Variants in SLC35F4 observed in about 807,000 individuals in gnomAD.
SLC35F4 encodes chromosome 14 open reading frame 36.
SLC35F4 carries 24 observed loss-of-function variants against 44.2 expected under a neutral mutation model. The ratio of observed to expected loss-of-function variants is 0.54; its 90% CI spans 0.39 to 0.76. The LOEUF (loss-of-function observed/expected upper bound fraction) is 0.76. SLC35F4 is among the 30% of genes least tolerant of loss of function. SLC35F4 has a pLI of 0.00. For synonymous variants in SLC35F4, 238 were observed against 223.6 expected, an observed-to-expected ratio of 1.06 and a Z score of -0.57; for missense variants, 562 against 586.1, an observed-to-expected ratio of 0.96 and a Z score of 0.42.
chr14:57,744,894 T>C (rs567440240), intron 1 of SLC35F4, among the ~76,000 whole-genome samples: 26 of 152,200 alleles, frequency 1.7e-4, no homozygotes, highest in Non-Finnish European at 3.2e-4. Context: ...AAAACAGAGA[T>C]ATAGACCAAT....
At position 57,941,017 on chromosome 14, in the gene SLC35F4, C is replaced by T. The variant is rs565498200; in HGVS notation, n.282+40896G>A. Among the ~76,000 whole-genome samples the T allele has an allele frequency of 7.9e-5, 12 of 152,184 alleles. No individual in the cohort carries two copies. The East Asian group carries it at 1.7e-3, about 22-fold the overall frequency. ...TCATACCTATTAGGATGGCTGTAAT[C>T]CAAAATGTGGAAAATAACAAGAAAA... On this transcript the variant is annotated intron_variant and non_coding_transcript_variant, in intron 1 of 1. Transcript: ENST00000556568.
chr14:57,950,942 G>A (rs1057003245), intron 1 of SLC35F4, among the ~76,000 whole-genome samples: 3 of 152,082 alleles, frequency 2.0e-5, no homozygotes, highest in Non-Finnish European at 4.4e-5. Flanking sequence ...TGGGATTACA[G>A]GCACGAGCCA....
At position 57,951,388 on chromosome 14, in the gene SLC35F4, G is replaced by GT. The variant is rs546964344; in HGVS notation, n.282+30524dup. On this transcript the variant is annotated intron_variant and non_coding_transcript_variant, in intron 1 of 1. Coordinates refer to the SLC35F4 transcript ENST00000556568. ...TTGGGCAGACACCGAGCTAGCTGGA[G>GT]TTTTTTTTCATACCCCAGTGGTGCC... Among the ~76,000 whole-genome samples, 5 of 152,146 alleles carry GT rather than the reference G, an allele frequency of 3.3e-5. 1 individual carries two copies. The highest frequency in any genetic ancestry group is 2.6e-4 in the Admixed American group (4 of 15,280).
At chr14:57,937,626 A>AAAAG (rs1889835856) in intron 1 of SLC35F4, among the ~76,000 whole-genome samples, 1 of 128,170 alleles carries the variant, frequency 7.8e-6, no homozygotes, top group African/African-American at 3.4e-5. Context: ...AAAAGAAAAG[A>AAAAG]AAAGAAAAGA....
intron 1 of SLC35F4, among the ~76,000 whole-genome samples, chr14:57,804,868 G>A (rs554977740): frequency 3.3e-5 from 5 of 152,038 alleles, no homozygotes; most frequent in African/African-American, 4.8e-5. Context: ...CAATATATCC[G>A]TCTCACAAAG....
chr14:57,952,707 A>G (rs1250771347), intron 1 of SLC35F4, among the ~76,000 whole-genome samples: 1 of 151,988 alleles, frequency 6.6e-6, no homozygotes, highest in Non-Finnish European at 1.5e-5. Context: ...GATCAACTTA[A>G]TGAAATAAAG....
At chr14:57,894,869 AACTT>A (rs1888840688) in intron 1 of SLC35F4, among the ~76,000 whole-genome samples, 1 of 152,194 alleles carries the variant, frequency 6.6e-6, no homozygotes, top group Non-Finnish European at 1.5e-5. Flanking sequence ...GGGATAGACA[AACTT>A]ACACAGCATC....
chr14:57,646,419 C>T lies in SLC35F4; in HGVS notation c.104-52295G>A, dbSNP rs572941332. Among the ~76,000 whole-genome samples, 1,444 of 152,064 alleles carry T rather than the reference C, an allele frequency of 9.5e-3. 30 individuals carry two copies. The highest frequency in any genetic ancestry group is 0.032 in the African/African-American group (1,329 of 41,496). ...TTCTAGTTTATTTGCGTAGAGGTAT[C>T]TATAGTATTCTCTGACGGTAGTTTG... On this transcript the variant is annotated intron_variant, in intron 1 of 7. Coordinates refer to ENST00000556826, the MANE Select transcript of SLC35F4 (RefSeq NM_001306087.2).
intron 1 of SLC35F4, among the ~76,000 whole-genome samples, chr14:57,661,835 T>A (rs2140238559): frequency 6.6e-6 from 1 of 152,298 alleles, no homozygotes; most frequent in Middle Eastern, 3.4e-3. Context: ...GCTCTAATAA[T>A]ATGCACTTCT....
intron 1 of SLC35F4, among the ~76,000 whole-genome samples, chr14:57,812,045 C>A (rs1424934038): frequency 6.6e-6 from 1 of 152,128 alleles, no homozygotes; most frequent in Non-Finnish European, 1.5e-5. Context: ...CTTAGAAATT[C>A]ATTTTTTAGA....
chr14:57,569,570 C>T (rs575382114), intron 6 of SLC35F4, among the ~76,000 whole-genome samples: 2 of 152,302 alleles, frequency 1.3e-5, no homozygotes, highest in East Asian at 3.9e-4. Flanking sequence ...GCCTCCAGTG[C>T]ACACCTTAAC....
chr14:57,633,881 T>G (rs971091731), intron 1 of SLC35F4, among the ~76,000 whole-genome samples: 2 of 152,132 alleles, frequency 1.3e-5, no homozygotes, highest in Admixed American at 6.6e-5. Context: ...CGGAGTGGTA[T>G]TCCATAGTAT....
At position 57,915,454 on chromosome 14, in the gene SLC35F4, C is replaced by T. The variant is rs148701017; in HGVS notation, n.282+66459G>A. ...AAGGCTTCAAATTTCCCAAATATTT[C>T]CATTCTGCTTCTCTTTTCATCATAA... On this transcript the variant is annotated intron_variant and non_coding_transcript_variant, in intron 1 of 1. Transcript: ENST00000556568. 5.8e-4 allele frequency among the ~76,000 whole-genome samples: 89 copies of T among 152,266 alleles called. 1 individual carries two copies. The East Asian group carries it at 0.016, about 27-fold the overall frequency.
intron 1 of SLC35F4, among the ~76,000 whole-genome samples, chr14:57,899,126 T>C (rs1285569478): frequency 1.3e-5 from 2 of 152,236 alleles, no homozygotes; most frequent in Non-Finnish European, 2.9e-5. Context: ...AGCCCTCGCA[T>C]TTGCTAACTC....
intron 1 of SLC35F4, chr14:57,595,909 T>C (rs532397612): frequency 2.0e-5 from 3 of 152,298 alleles, no homozygotes; most frequent in East Asian, 1.9e-4. Context: ...CTAGGATGGA[T>C]AGTGGGTTGA....
chr14:57,885,032 T>C (rs1308259196), intron 1 of SLC35F4, among the ~76,000 whole-genome samples: 1 of 152,204 alleles, frequency 6.6e-6, no homozygotes, highest in African/African-American at 2.4e-5. Flanking sequence ...TTTATTACTT[T>C]GCAACTTTTT....
chr14:57,815,052 T>C (rs1475811400), intron 1 of SLC35F4, among the ~76,000 whole-genome samples: 1 of 152,190 alleles, frequency 6.6e-6, no homozygotes, highest in African/African-American at 2.4e-5. Flanking sequence ...GTATTGTCTA[T>C]AACTGCTTTT....
At chr14:57,583,220 T>C (rs960796415) in intron 3 of SLC35F4, among the ~76,000 whole-genome samples, 2 of 152,198 alleles carry the variant, frequency 1.3e-5, no homozygotes, top group African/African-American at 4.8e-5. Context: ...ATTAGCACCA[T>C]ACATAGAACC....
At chr14:57,859,734 C>T (rs954880889) in intron 1 of SLC35F4, among the ~76,000 whole-genome samples, 1 of 152,180 alleles carries the variant, frequency 6.6e-6, no homozygotes, top group African/African-American at 2.4e-5. Context: ...AGGCAGTGAT[C>T]GCAGGACTGG....
Sources: gnomAD v4.1 joint callset for allele counts (sites outside exome capture counted in the v4.1 genomes callset) on GRCh38, gnomAD v4.1.1 for gene constraint, MANE v1.5 for transcripts, NCBI Gene and HGNC (gene_info 2026-07-23, HGNC 2026-07-21) for gene names.